The following THSD4 variants were observed in gnomAD, a reference collection of about 807,000 sequenced individuals.
THSD4 encodes thrombospondin type-1 domain-containing protein 4.
In THSD4, 69 loss-of-function variants were observed where a neutral mutation model predicts 119.0. The ratio of observed to expected loss-of-function variants is 0.58; its 90% CI spans 0.48 to 0.71. The LOEUF (loss-of-function observed/expected upper bound fraction) is 0.71, where lower values mean the gene tolerates loss of function less well. Ranked by LOEUF, THSD4 falls within the 30% of genes least tolerant of loss-of-function variation. The probability of loss-of-function intolerance (pLI) is 0.00; values close to 1 mark genes in which losing one functional copy is unlikely to be tolerated. For missense variants in THSD4, 1,393 were observed against 1,391.1 expected, an observed-to-expected ratio of 1.00 and a Z score of -0.02; for synonymous variants, 524 against 540.4, an observed-to-expected ratio of 0.97 and a Z score of 0.42.
chr15:71,496,597 G>C (rs2140716390), intron 7 of THSD4, among the ~76,000 whole-genome samples: 2 of 152,240 alleles, frequency 1.3e-5, no homozygotes, highest in Middle Eastern at 6.8e-3. Flanking sequence ...GTTACTCCCT[G>C]TTCCCCATTT....
At chr15:71,410,167 C>A (rs141982960) in intron 6 of THSD4, among the ~76,000 whole-genome samples, 17 of 151,962 alleles carry the variant, frequency 1.1e-4, no homozygotes, top group Non-Finnish European at 2.2e-4. Flanking sequence ...GAGAAAAGGC[C>A]GATATTCATT....
chr15:71,640,742 C>T (rs995752429), intron 7 of THSD4, among the ~76,000 whole-genome samples: 1 of 152,146 alleles, frequency 6.6e-6, no homozygotes, highest in Non-Finnish European at 1.5e-5. Context: ...CTGAACTCCT[C>T]AGCTGTTACT....
intron 6 of THSD4, among the ~76,000 whole-genome samples, chr15:71,328,677 T>C (rs1482501902): frequency 1.3e-5 from 2 of 152,212 alleles, no homozygotes; most frequent in Non-Finnish European, 2.9e-5. Context: ...CCACTTTCCA[T>C]GGGCTTATTA....
chr15:71,356,857 A>AT (rs1486956246), intron 6 of THSD4, among the ~76,000 whole-genome samples: 1 of 152,030 alleles, frequency 6.6e-6, no homozygotes, highest in Non-Finnish European at 1.5e-5. Flanking sequence ...TCTACAGGGA[A>AT]TTTTATTCCT....
intron 7 of THSD4, among the ~76,000 whole-genome samples, chr15:71,614,996 G>C (rs58745044): frequency 0.18 from 26,681 of 152,084 alleles, 2,852 homozygotes; most frequent in Non-Finnish European, 0.24. Flanking sequence ...CGCGGAATAG[G>C]AAGATGCCAC....
chr15:71,272,278 GTAGTCCCAGC>G (rs1567177301), intron 6 of THSD4, among the ~76,000 whole-genome samples: 1 of 150,930 alleles, frequency 6.6e-6, no homozygotes, highest in Non-Finnish European at 1.5e-5. Context: ...GCACGCACCT[GTAGTCCCAGC>G]TACTCGGGAG....
intron 8 of THSD4, among the ~76,000 whole-genome samples, chr15:71,695,073 A>G (rs2052135958): frequency 6.6e-6 from 1 of 152,234 alleles, no homozygotes; most frequent in Non-Finnish European, 1.5e-5. Flanking sequence ...CGGAATACGC[A>G]TATAGCTTAA....
At chr15:71,569,932 T>C (rs1256283186) in intron 7 of THSD4, among the ~76,000 whole-genome samples, 1 of 152,212 alleles carries the variant, frequency 6.6e-6, no homozygotes, top group Non-Finnish European at 1.5e-5. Context: ...AGGCAGAGGT[T>C]GCAGTGAGCT....
intron 7 of THSD4, among the ~76,000 whole-genome samples, chr15:71,528,246 G>A (rs11858512): frequency 0.027 from 4,079 of 152,208 alleles, 184 homozygotes; most frequent in African/African-American, 0.094. Context: ...AAGAATGAGA[G>A]GTAAATGCTC....
chr15:71,649,438 C>A (rs914531489), intron 7 of THSD4, among the ~76,000 whole-genome samples: 7 of 152,074 alleles, frequency 4.6e-5, no homozygotes, highest in Non-Finnish European at 8.8e-5. Flanking sequence ...ACATGCCTGG[C>A]TAATTTTTGT....
intron 7 of THSD4, among the ~76,000 whole-genome samples, chr15:71,479,166 T>C (rs1306538813): frequency 7.0e-6 from 1 of 143,744 alleles, no homozygotes; most frequent in Non-Finnish European, 1.5e-5. Context: ...TTTTCTTTAC[T>C]TTCTTTCTTC....
chr15:71,166,025 C>T (rs981183281), intron 3 of THSD4, among the ~76,000 whole-genome samples: 2 of 152,120 alleles, frequency 1.3e-5, no homozygotes. Context: ...CCAGAGGTGG[C>T]TGGGCAGCTG....
intron 7 of THSD4, among the ~76,000 whole-genome samples, chr15:71,459,372 GTCTCTCTGTCTCTCTCTCTC>G (rs1335891902): frequency 2.0e-5 from 2 of 99,976 alleles, no homozygotes; most frequent in Non-Finnish European, 4.7e-5. Context: ...CTGTCTCTCT[GTCTCTCTGTCTCTCTCTCTC>G]TCTCTCTCTC....
Position 71,477,233 on chromosome 15 carries a change from C to T in THSD4, c.1152+65410C>T, listed in dbSNP as rs371918937. Among the ~76,000 whole-genome samples the T allele has an allele frequency of 5.9e-5, 9 of 152,322 alleles. 1 individual carries two copies. Among genetic ancestry groups the T allele is most frequent in the African/African-American group, 1.9e-4 (8 of 41,566 alleles). ...GGCCAAATGTGTGAGGGTGTGACGC[C>T]ACTGGTTCCTATCAGACGGGGTCTT... On this transcript the variant is annotated intron_variant, in intron 7 of 17. Transcript: ENST00000261862.
At chr15:71,687,180 C>A (rs774342537) in intron 8 of THSD4, among the ~76,000 whole-genome samples, 3 of 152,192 alleles carry the variant, frequency 2.0e-5, no homozygotes, top group Non-Finnish European at 4.4e-5. Context: ...AAAAATTAAA[C>A]TACAGACTTC....
chr15:71,638,285 T>G (rs1411071015), intron 7 of THSD4, among the ~76,000 whole-genome samples: 4 of 152,184 alleles, frequency 2.6e-5, no homozygotes, highest in African/African-American at 9.7e-5. Context: ...TGGGTTATAT[T>G]TCCAGAAGTC....
intron 7 of THSD4, among the ~76,000 whole-genome samples, chr15:71,457,481 C>T (rs1485390556): frequency 6.6e-6 from 1 of 151,852 alleles, no homozygotes; most frequent in Non-Finnish European, 1.5e-5. Context: ...CCTGAAATGC[C>T]GTCCAGTCTC....
At chr15:71,116,863 G>T (rs1194640763) in intron 1 of THSD4, among the ~76,000 whole-genome samples, 1 of 151,770 alleles carries the variant, frequency 6.6e-6, no homozygotes, top group African/African-American at 2.4e-5. Context: ...GGTCTTACTG[G>T]GTCTCAATAT....
chr15:71,522,693 C>T (rs2048460501), intron 7 of THSD4, among the ~76,000 whole-genome samples: 1 of 152,178 alleles, frequency 6.6e-6, no homozygotes, highest in African/African-American at 2.4e-5. Flanking sequence ...AGCAAGCCAA[C>T]CCAGAATCTT....
Sources: gnomAD v4.1 joint callset for allele counts (sites outside exome capture counted in the v4.1 genomes callset) on GRCh38, gnomAD v4.1.1 for gene constraint, MANE v1.5 for transcripts, NCBI Gene and HGNC (gene_info 2026-07-23, HGNC 2026-07-21) for gene names.